Variants in HDGFL3 observed in about 807,000 individuals in gnomAD.
HDGFL3 encodes the protein hepatoma-derived growth factor-related protein 3.
In HDGFL3, 6 loss-of-function variants were observed where a neutral mutation model predicts 27.6. The observed-to-expected ratio is 0.22, with a 90% CI of 0.12 to 0.43. The LOEUF (loss-of-function observed/expected upper bound fraction) is 0.43. Ranked by LOEUF, HDGFL3 falls within the 20% of genes least tolerant of loss-of-function variation. The pLI is 1.00. For synonymous variants in HDGFL3, 88 were observed against 88.9 expected (o/e 0.99, Z 0.05); for missense variants, 207 against 250.1 (o/e 0.83, Z 1.16).
At chr15:83,126,381 G>A (rs2035752838), downstream of HDGFL3, among the ~76,000 whole-genome samples, 1 of 152,232 alleles carries the variant, frequency 6.6e-6, no homozygotes, top group South Asian at 2.1e-4. Context: ...TGCATAGTAA[G>A]ATGAATTTGG....
chr15:83,200,392 G>A (rs28479708), intron 1 of HDGFL3, among the ~76,000 whole-genome samples: 11,577 of 151,878 alleles, frequency 0.076, 531 homozygotes, highest in African/African-American at 0.12. Context: ...AATCAAGATG[G>A]GTAACAATGG....
intron 5 of HDGFL3, among the ~76,000 whole-genome samples, chr15:83,145,794 CCT>C (rs957871188): frequency 6.6e-6 from 1 of 151,020 alleles, no homozygotes; most frequent in Non-Finnish European, 1.5e-5. Flanking sequence ...TCCTTGGTGT[CCT>C]CTCTGCCAAA....
chr15:83,165,719 T>C (rs768544823), intron 1 of HDGFL3, among the ~76,000 whole-genome samples: 19 of 137,744 alleles, frequency 1.4e-4, no homozygotes, highest in Non-Finnish European at 2.0e-4. Context: ...GGTGTGAACC[T>C]GGGAGGCGGA....
chr15:83,174,465 A>C (rs575469877), intron 1 of HDGFL3, among the ~76,000 whole-genome samples: 26 of 152,154 alleles, frequency 1.7e-4, no homozygotes, highest in African/African-American at 5.8e-4. Flanking sequence ...ACTTCTGTAA[A>C]AACCTTGTAT....
intron 1 of HDGFL3, among the ~76,000 whole-genome samples, chr15:83,194,709 T>C (rs1214904279): frequency 6.6e-6 from 1 of 152,214 alleles, no homozygotes; most frequent in Non-Finnish European, 1.5e-5. Context: ...TTATCTCCTT[T>C]CACTTCCTCC....
At chr15:83,155,912 T>C (rs1337026107) in intron 4 of HDGFL3, among the ~76,000 whole-genome samples, 1 of 152,190 alleles carries the variant, frequency 6.6e-6, no homozygotes, top group African/African-American at 2.4e-5. Flanking sequence ...AGGTGAATAA[T>C]TTTCACAATC....
At position 83,135,076 on chromosome 15, in the gene HDGFL3, C is replaced by T. The variant is rs1245462653; in HGVS notation, c.*4194G>A. 2.0e-5 allele frequency: 3 copies of T among 152,192 alleles called. No homozygotes were observed. Among genetic ancestry groups the T allele is most frequent in the African/African-American group, 4.8e-5 (2 of 41,440 alleles). 9.4% of individuals were successfully genotyped at this position (152,192 alleles called of 1,614,324 possible). A position where few individuals can be genotyped will look rare whatever the true frequency, so the allele number is the denominator to read the frequency against. ...CATGGATCACAATGTAGACAATCCA[C>T]GTGCTGGTCCTTGGCAATACATCAT... On this transcript the variant is annotated 3_prime_UTR_variant, in exon 6 of 6. Transcript: ENST00000299633.
chr15:83,192,840 G>A (rs1221276092), intron 1 of HDGFL3, among the ~76,000 whole-genome samples: 2 of 152,116 alleles, frequency 1.3e-5, no homozygotes, highest in Admixed American at 6.5e-5. Flanking sequence ...ATCAAACACA[G>A]GCATTTTCTG....
At chr15:83,125,585 C>A (rs184791312), downstream of HDGFL3, among the ~76,000 whole-genome samples, 1 of 152,266 alleles carries the variant, frequency 6.6e-6, no homozygotes. Flanking sequence ...TTTTATTGAT[C>A]AGTGATCCTT....
At chr15:83,201,432 G>C (rs1211520468) in intron 1 of HDGFL3, among the ~76,000 whole-genome samples, 1 of 152,058 alleles carries the variant, frequency 6.6e-6, no homozygotes, top group Non-Finnish European at 1.5e-5. Context: ...CCTTTTTGTA[G>C]TGGATGAATA....
chr15:83,155,857 T>G (rs1188410367), intron 4 of HDGFL3, among the ~76,000 whole-genome samples: 1 of 152,180 alleles, frequency 6.6e-6, no homozygotes, highest in African/African-American at 2.4e-5. Context: ...CCTGTACCAA[T>G]CTTTGGTCTT....
chr15:83,158,108 G>C, intron 2 of HDGFL3, 67 bp from the exon 3 acceptor site: 4 of 1,359,340 alleles, frequency 2.9e-6, no homozygotes, highest in Admixed American at 4.3e-5. Flanking sequence ...TTAAATATCA[G>C]TATCAGTGAA....
chr15:83,197,083 A>T (rs2037578717), intron 1 of HDGFL3, among the ~76,000 whole-genome samples: 1 of 152,198 alleles, frequency 6.6e-6, no homozygotes, highest in Non-Finnish European at 1.5e-5. Context: ...ATAAATCTTT[A>T]TCCCAGGAGT....
At chr15:83,158,184 T>C (rs929621532) in intron 2 of HDGFL3, 143 bp from the exon 3 acceptor site, 16 of 649,764 alleles carry the variant, frequency 2.5e-5, no homozygotes, top group Non-Finnish European at 3.4e-5. Context: ...TAGGCACATA[T>C]TACGAGGTGT....
At chr15:83,161,115 T>C (rs757561116) in intron 2 of HDGFL3, among the ~76,000 whole-genome samples, 4 of 152,226 alleles carry the variant, frequency 2.6e-5, no homozygotes, top group African/African-American at 7.2e-5. Context: ...GCTTTTGACC[T>C]TCCCCAGTCT....
chr15:83,204,333 C>T (rs894513668), intron 1 of HDGFL3, among the ~76,000 whole-genome samples: 2 of 151,918 alleles, frequency 1.3e-5, no homozygotes, highest in South Asian at 4.2e-4. Context: ...GTAAATTTTA[C>T]CTCAAAAGAG....
At chr15:83,144,689 C>T (rs1391624973) in intron 5 of HDGFL3, 1 of 365,454 alleles carries the variant, frequency 2.7e-6, no homozygotes. Flanking sequence ...GATCCATCCC[C>T]AGTTGAGCCT....
rs1185064000 is a variant in HDGFL3, at chr15:83,155,277, C to T, written c.459+2138G>A. 3.9e-5 allele frequency among the ~76,000 whole-genome samples: 6 copies of T among 152,230 alleles called. No individual in the cohort carries two copies. The East Asian group carries it at 9.6e-4, about 24-fold the overall frequency. Reference sequence around the variant, plus strand: ...AGCTAAGTGTGTCTTTACCCTTTCTCTGCTTTAAATTTTAAGTCCACCCAG... The same window carrying T: ...AGCTAAGTGTGTCTTTACCCTTTCTTTGCTTTAAATTTTAAGTCCACCCAG... On this transcript the variant is annotated intron_variant, in intron 4 of 5. Coordinates refer to ENST00000299633, the MANE Select transcript of HDGFL3 (RefSeq NM_016073.4).
At chr15:83,206,325 AAAG>A (rs1364798111) in intron 1 of HDGFL3, among the ~76,000 whole-genome samples, 1 of 152,152 alleles carries the variant, frequency 6.6e-6, no homozygotes, top group Non-Finnish European at 1.5e-5. Context: ...TTCCGTTCCT[AAAG>A]AATACCAATA....
Sources: gnomAD v4.1 joint callset for allele counts (sites outside exome capture counted in the v4.1 genomes callset) on GRCh38, gnomAD v4.1.1 for gene constraint, MANE v1.5 for transcripts, NCBI Gene and HGNC (gene_info 2026-07-23, HGNC 2026-07-21) for gene names.